NRXN2: variants seen among roughly 807,000 people sequenced by gnomAD.
NRXN2 encodes the protein neurexin-2-beta.
Under a neutral mutation model 128.8 loss-of-function variants are expected in NRXN2, and 29 were observed. That is an observed-to-expected ratio of 0.23 (90% CI 0.17 to 0.31). The LOEUF is 0.31. NRXN2 is among the 10% of genes least tolerant of loss of function. The pLI, the probability that NRXN2 is intolerant of heterozygous loss-of-function variation, is 1.00. For synonymous variants in NRXN2, 1,098 were observed against 1,075.2 expected (o/e 1.02, Z -0.41); for missense variants, 1,881 against 2,452.6 (o/e 0.77, Z 4.92).
At chr11:64,639,983 C>A (rs2045418363) in intron 17 of NRXN2, among the ~76,000 whole-genome samples, 1 of 152,132 alleles carries the variant, frequency 6.6e-6, no homozygotes, top group Non-Finnish European at 1.5e-5. Context: ...GGGGTTCAGC[C>A]AGGACAGGTG....
At chr11:64,640,517 CA>C (rs1393332585) in intron 17 of NRXN2, among the ~76,000 whole-genome samples, 2 of 149,688 alleles carry the variant, frequency 1.3e-5, no homozygotes, top group African/African-American at 2.5e-5. Flanking sequence ...CAGAAGGAGA[CA>C]ATGAAAGGGG....
At position 64,610,898 on chromosome 11, in the gene NRXN2, C is replaced by T. The variant is rs571403734; in HGVS notation, c.4253-2816G>A. ...TTCCTGCTGGTCCATACCACCAGCC[C>T]TCTACCTGACCTTTGCCTTCTATTC... is the stretch of plus-strand genomic sequence containing the variant. On this transcript the variant is annotated intron_variant, in intron 22 of 22. Transcript: ENST00000265459. Among the ~76,000 whole-genome samples the T allele has an allele frequency of 1.1e-4, 17 of 152,312 alleles. No homozygotes were observed. In the South Asian group the frequency reaches 3.1e-3, roughly 28 times the overall value.
intron 6 of NRXN2, among the ~76,000 whole-genome samples, chr11:64,679,064 G>C (rs533245005): frequency 3.3e-4 from 51 of 152,334 alleles, no homozygotes; most frequent in African/African-American, 1.2e-3. Flanking sequence ...AAGAGGATTA[G>C]TACTGGTGGC....
intron 6 of NRXN2, among the ~76,000 whole-genome samples, chr11:64,682,162 G>C (rs1029959550): frequency 1.3e-5 from 2 of 151,556 alleles, no homozygotes; most frequent in African/African-American, 4.9e-5. Flanking sequence ...TCCATCCTTG[G>C]GGACTCCATC....
chr11:64,642,690 C>G, intron 17 of NRXN2: 1 of 1,534,546 alleles, frequency 6.5e-7, no homozygotes, highest in Non-Finnish European at 8.8e-7. Context: ...GCAGCAACAG[C>G]GGCAACAGCG....
At chr11:64,636,022 C>T (rs1291213279) in intron 17 of NRXN2, among the ~76,000 whole-genome samples, 6 of 151,746 alleles carry the variant, frequency 4.0e-5, no homozygotes, top group East Asian at 1.9e-4. Context: ...TCCCTGCTTC[C>T]GCCCTCACCC....
At position 64,651,031 on chromosome 11, in the gene NRXN2, AG is replaced by A. The variant is rs1306912248; in HGVS notation, c.2918+223del. Among the ~76,000 whole-genome samples, 1 of 152,158 alleles carries A rather than the reference AG, an allele frequency of 6.6e-6. No homozygotes were observed. Among genetic ancestry groups the A allele is most frequent in the East Asian group, 1.9e-4 (1 of 5,184 alleles). On this transcript the variant is annotated intron_variant, in intron 14 of 22. Coordinates refer to ENST00000265459, the MANE Select transcript of NRXN2 (RefSeq NM_015080.4). This position sits in a 1 kb window ranked among gnomAD's most constrained non-coding sequence, Gnocchi z 5.9. Reference sequence around the variant, plus strand: ...ACAGTGGACAGAGAACAGATATAACAGGGAACTCTGGCAAGGAAGCAGCTGG... The same window carrying A: ...ACAGTGGACAGAGAACAGATATAACAGGAACTCTGGCAAGGAAGCAGCTGG...
chr11:64,652,250 G>A (rs1392842663), intron 12 of NRXN2, 96 bp from the exon 13 acceptor site: 24 of 1,466,062 alleles, frequency 1.6e-5, no homozygotes, highest in African/African-American at 5.6e-5. Flanking sequence ...CCCCATCCCC[G>A]CACATGCCAC....
Position 64,635,983 on chromosome 11 carries a change from C to T in NRXN2, c.3404-531G>A, listed in dbSNP as rs907889174. Among the ~76,000 whole-genome samples the T allele has an allele frequency of 2.6e-5, 4 of 151,998 alleles. No individual in the cohort carries two copies. Among genetic ancestry groups the T allele is most frequent in the African/African-American group, 9.7e-5 (4 of 41,396 alleles). On this transcript the variant is annotated intron_variant, in intron 17 of 22. Coordinates refer to ENST00000265459, the MANE Select transcript of NRXN2 (RefSeq NM_015080.4). This position sits in a 1 kb window ranked among gnomAD's most constrained non-coding sequence, Gnocchi z 4.8. ...GCTGGCGCCCTCCAACATCTCCCAT[C>T]CCAACCCCTCTCCTGGCTTGCCCAG...
chr11:64,693,166 C>T (rs562351452), intron 3 of NRXN2, among the ~76,000 whole-genome samples: 9 of 111,058 alleles, frequency 8.1e-5, no homozygotes, highest in African/African-American at 3.3e-4. Context: ...GAGAGGGGTA[C>T]AGGCAGAACT....
intron 17 of NRXN2, chr11:64,642,575 T>C (rs2045872355): frequency 1.2e-6 from 2 of 1,610,828 alleles, no homozygotes; most frequent in Non-Finnish European, 8.5e-7. Flanking sequence ...ATGCGGTTGA[T>C]GGCGATGGGC....
At chr11:64,612,120 G>A (rs2040756687) in intron 22 of NRXN2, among the ~76,000 whole-genome samples, 1 of 152,182 alleles carries the variant, frequency 6.6e-6, no homozygotes, top group South Asian at 2.1e-4. Context: ...CTAACGTAGG[G>A]TGCTGGGCTT....
intron 3 of NRXN2, among the ~76,000 whole-genome samples, chr11:64,693,934 T>A (rs1276384834): frequency 6.6e-6 from 1 of 152,154 alleles, no homozygotes; most frequent in Non-Finnish European, 1.5e-5. Flanking sequence ...GAAAATGGAC[T>A]GATAGGAAGA....
chr11:64,645,177 C>G (rs2046449837), intron 17 of NRXN2, among the ~76,000 whole-genome samples: 1 of 152,116 alleles, frequency 6.6e-6, no homozygotes. Context: ...GCCCCTGGAT[C>G]TGGAATATAG....
At chr11:64,642,442 CA>C in intron 17 of NRXN2, 1 of 1,465,230 alleles carries the variant, frequency 6.8e-7, no homozygotes, top group African/African-American at 1.4e-5. Flanking sequence ...TCGGCGTGCA[CA>C]GCTGGGGTGG....
chr11:64,620,279 G>A lies in NRXN2; in HGVS notation c.4252+15C>T, dbSNP rs1472625150. 7.8e-6 allele frequency: 12 copies of A among 1,547,118 alleles called. No homozygotes were observed. Among genetic ancestry groups the A allele is most frequent in the Non-Finnish European group, 1.7e-6 (2 of 1,143,492 alleles). ...CAGAGGGACCCGGGGCAGGGGAGGG[G>A]GGAAAGGCACTCACCAGTACTGGGC... On this transcript the variant is annotated intron_variant, in intron 22 of 22. Transcript: ENST00000265459.
intron 1 of NRXN2, among the ~76,000 whole-genome samples, chr11:64,715,751 C>T (rs553207746): frequency 2.0e-5 from 3 of 152,148 alleles, no homozygotes; most frequent in Non-Finnish European, 2.9e-5. Context: ...TGCCTCTGCC[C>T]GGGCAGTGGG....
At chr11:64,624,311 CATCCATCCAGCCTCT>C (rs2042793344) in intron 20 of NRXN2, among the ~76,000 whole-genome samples, 1 of 152,250 alleles carries the variant, frequency 6.6e-6, no homozygotes, top group South Asian at 2.1e-4. Context: ...GACATCCAAA[CATCCATCCAGCCTCT>C]AGCCAATGAT....
In NRXN2 at chr11:64,635,904, A is replaced by G. The variant is rs773647669; in HGVS notation, c.3404-452T>C. ...AGCTAAGCAGGCACCAAGGAACCCCAGGTGATGGCAGGAAGATGAGCAGAG... is the reference window on the plus strand; with the variant it reads ...AGCTAAGCAGGCACCAAGGAACCCCGGGTGATGGCAGGAAGATGAGCAGAG... On this transcript the variant is annotated intron_variant, in intron 17 of 22. Coordinates refer to ENST00000265459, the MANE Select transcript of NRXN2 (RefSeq NM_015080.4). The surrounding 1 kb of genome is among the most constrained non-coding windows in gnomAD (Gnocchi z 4.8). Among the ~76,000 whole-genome samples, 66 of 152,144 alleles carry G rather than the reference A, an allele frequency of 4.3e-4. No homozygotes were observed. Among genetic ancestry groups the G allele is most frequent in the Non-Finnish European group, 7.6e-4 (52 of 67,980 alleles).
Sources: allele counts gnomAD v4.1 joint callset (sites outside exome capture counted in the v4.1 genomes callset), GRCh38; gene constraint gnomAD v4.1.1; non-coding constraint Gnocchi (gnomAD v3.1); transcripts MANE v1.5; gene names NCBI Gene and HGNC (gene_info 2026-07-23, HGNC 2026-07-21).